Variants in RAB39A observed in about 807,000 individuals in gnomAD.
RAB39A encodes the protein ras-related protein Rab-39A.
RAB39A carries 17 observed loss-of-function variants against 20.9 expected under a neutral mutation model. The observed-to-expected ratio is 0.81, with a 90% CI of 0.56 to 1.22. The LOEUF is 1.22. RAB39A is among the 50% of genes most tolerant of loss of function. The pLI is 0.00. For synonymous variants in RAB39A, 99 were observed against 103.4 expected (o/e 0.96, Z 0.26); for missense variants, 234 against 270.5 (o/e 0.87, Z 0.95).
At chr11:107,946,953 G>T (rs929911070) in intron 1 of RAB39A, among the ~76,000 whole-genome samples, 1 of 151,832 alleles carries the variant, frequency 6.6e-6, no homozygotes, top group African/African-American at 2.4e-5. Context: ...AGACGTGCTC[G>T]CTTGAACCCA....
chr11:107,932,748 C>T (rs1861150686), intron 1 of RAB39A, among the ~76,000 whole-genome samples: 2 of 152,134 alleles, frequency 1.3e-5, no homozygotes, highest in Admixed American at 6.6e-5. Flanking sequence ...ATCTCGCTCT[C>T]TCATCCAGGC....
At chr11:107,960,172 T>C (rs1193711310) in intron 1 of RAB39A, among the ~76,000 whole-genome samples, 1 of 147,736 alleles carries the variant, frequency 6.8e-6, no homozygotes, top group East Asian at 2.0e-4. Flanking sequence ...ATCACGCCAC[T>C]GCACTCCAGC....
At chr11:107,932,154 C>CG (rs1308412445) in intron 1 of RAB39A, among the ~76,000 whole-genome samples, 1 of 152,070 alleles carries the variant, frequency 6.6e-6, no homozygotes, top group African/African-American at 2.4e-5. Flanking sequence ...TGAACCACTG[C>CG]GCCAGGCCAG....
chr11:107,952,839 C>T (rs1380882348), intron 1 of RAB39A, among the ~76,000 whole-genome samples: 5 of 152,144 alleles, frequency 3.3e-5, no homozygotes, highest in South Asian at 4.1e-4. Context: ...GCCGAGATCA[C>T]GCCATTGCAC....
intron 1 of RAB39A, among the ~76,000 whole-genome samples, chr11:107,949,526 C>G (rs754732588): frequency 8.6e-5 from 13 of 151,998 alleles, no homozygotes; most frequent in Non-Finnish European, 1.6e-4. Context: ...AATTATAACC[C>G]AAGAAAACAT....
intron 1 of RAB39A, among the ~76,000 whole-genome samples, chr11:107,956,711 A>G (rs1861440379): frequency 6.6e-6 from 1 of 152,224 alleles, no homozygotes; most frequent in Admixed American, 6.5e-5. Context: ...GATTGGTTAT[A>G]ATTAATTCAT....
At chr11:107,935,498 C>T (rs1861184426) in intron 1 of RAB39A, among the ~76,000 whole-genome samples, 1 of 151,816 alleles carries the variant, frequency 6.6e-6, no homozygotes, top group African/African-American at 2.4e-5. Context: ...CCTCAGCCTC[C>T]CGAGTAGCTG....
chr11:107,948,690 T>G (rs1861343935), intron 1 of RAB39A, among the ~76,000 whole-genome samples: 1 of 152,120 alleles, frequency 6.6e-6, no homozygotes, highest in Non-Finnish European at 1.5e-5. Context: ...TCCGCCTTCC[T>G]CAGCCTCCCA....
chr11:107,933,621 C>G (rs1861163352), intron 1 of RAB39A, among the ~76,000 whole-genome samples: 1 of 151,420 alleles, frequency 6.6e-6, no homozygotes, highest in Non-Finnish European at 1.5e-5. Context: ...ATCTGCCCGC[C>G]TCGGCCTCCC....
At chr11:107,960,173 G>A (rs1425158397) in intron 1 of RAB39A, among the ~76,000 whole-genome samples, 1 of 148,080 alleles carries the variant, frequency 6.8e-6, no homozygotes, top group African/African-American at 2.5e-5. Context: ...TCACGCCACT[G>A]CACTCCAGCC....
chr11:107,957,058 T>C (rs1861444336), intron 1 of RAB39A, among the ~76,000 whole-genome samples: 1 of 152,052 alleles, frequency 6.6e-6, no homozygotes, highest in African/African-American at 2.4e-5. Context: ...AAATTTCCAG[T>C]TTTGGAGGTA....
At chr11:107,935,324 G>A (rs1444555323) in intron 1 of RAB39A, among the ~76,000 whole-genome samples, 1 of 152,130 alleles carries the variant, frequency 6.6e-6, no homozygotes, top group East Asian at 1.9e-4. Context: ...TATATGAGGA[G>A]ATGTGCTCTC....
In RAB39A at chr11:107,957,867, A is replaced by T. The variant is rs890911010; in HGVS notation, c.228-4079A>T. ...CCCCACAATTTTTTTCCTTCCCTTA[A>T]ATCATCCATTAATTCAGGGAGACTT... On this transcript the variant is annotated intron_variant, in intron 1 of 1. Transcript: ENST00000320578. Among the ~76,000 whole-genome samples the T allele has an allele frequency of 2.0e-5, 3 of 151,380 alleles. No homozygotes were observed. The East Asian group carries it at 5.8e-4, about 29-fold the overall frequency.
intron 1 of RAB39A, among the ~76,000 whole-genome samples, chr11:107,957,045 T>C (rs1033167871): frequency 8.5e-5 from 13 of 152,182 alleles, no homozygotes; most frequent in Admixed American, 6.5e-4. Flanking sequence ...TAGTGGACTG[T>C]GTAAATTTCC....
intron 1 of RAB39A, among the ~76,000 whole-genome samples, chr11:107,956,337 T>C (rs962478074): frequency 3.3e-5 from 5 of 152,198 alleles, no homozygotes; most frequent in African/African-American, 4.8e-5. Flanking sequence ...AAACCATTGA[T>C]ATTCAACAGT....
intron 1 of RAB39A, among the ~76,000 whole-genome samples, chr11:107,950,306 T>C (rs979376806): frequency 6.6e-6 from 1 of 152,206 alleles, no homozygotes; most frequent in African/African-American, 2.4e-5. Context: ...AGAAATAAGC[T>C]TTTTTTATAT....
At chr11:107,955,577 G>A (rs969815430) in intron 1 of RAB39A, among the ~76,000 whole-genome samples, 6 of 152,128 alleles carry the variant, frequency 3.9e-5, no homozygotes, top group Non-Finnish European at 7.3e-5. Context: ...AACGGTTCAC[G>A]CCTGTAATCC....
chr11:107,960,022 C>T (rs1463766898), intron 1 of RAB39A, among the ~76,000 whole-genome samples: 1 of 152,100 alleles, frequency 6.6e-6, no homozygotes, highest in Non-Finnish European at 1.5e-5. Context: ...GCATCTTGGC[C>T]AACATGGTGA....
At position 107,935,376 on chromosome 11, in the gene RAB39A, TTC is replaced by T. The variant is rs200421309; in HGVS notation, c.227+6583_227+6584del. ...GATAAAGGATTAATTTTCTTTCTTC[TTC>T]TTTTTTTTTTTTTGGAGACAGAGTC... On this transcript the variant is annotated intron_variant, in intron 1 of 1. Coordinates refer to ENST00000320578, the MANE Select transcript of RAB39A (RefSeq NM_017516.3). 6.4e-3 allele frequency among the ~76,000 whole-genome samples: 968 copies of T among 151,598 alleles called. 10 individuals carry two copies. Among genetic ancestry groups the T allele is most frequent in the African/African-American group, 0.022 (923 of 41,376 alleles).
Sources: allele counts gnomAD v4.1 joint callset (sites outside exome capture counted in the v4.1 genomes callset), GRCh38; gene constraint gnomAD v4.1.1; transcripts MANE v1.5; gene names NCBI Gene and HGNC (gene_info 2026-07-23, HGNC 2026-07-21).